The following PKP2 variants were observed in gnomAD, a reference collection of about 807,000 sequenced individuals.
The protein encoded by PKP2 is plakophilin 2.
Under a neutral mutation model 83.4 loss-of-function variants are expected in PKP2, and 73 were observed. The ratio of observed to expected loss-of-function variants is 0.88; its 90% confidence interval spans 0.72 to 1.06. PKP2 has a LOEUF of 1.06. Ranked by LOEUF, PKP2 falls within the 50% of genes least tolerant of loss-of-function variation. The probability of loss-of-function intolerance (pLI) is 0.00; values close to 1 mark genes in which losing one functional copy is unlikely to be tolerated. For missense variants in PKP2, 966 were observed against 1,065.4 expected (o/e 0.91, Z 1.30); for synonymous variants, 409 against 430.4 (o/e 0.95, Z 0.62).
At position 32,822,581 on chromosome 12, in the gene PKP2, C is replaced by A; in HGVS notation, c.1725G>T (p.Glu575Asp). Residue 575 changes from glutamate to aspartate, a missense_variant, in exon 8 of 13, where the codon GAG becomes GAT. Glu to Asp is a conservative substitution (Grantham distance 45, BLOSUM62 2). Transcript: ENST00000340811. ...CILHNLSYQL[E>D]AELPEKYSQN... is the part of the protein sequence containing the mutation. Reference sequence around the variant, plus strand: ...GGGAATATTTCTCTGGGAGCTCTGCCTCCAGCTGGTAGGAGAGGTTATGAA... The same window carrying A: ...GGGAATATTTCTCTGGGAGCTCTGCATCCAGCTGGTAGGAGAGGTTATGAA... 6.2e-7 allele frequency: 1 copy of A among 1,614,098 alleles called. No individual in the cohort carries two copies. The highest frequency in any genetic ancestry group is 8.5e-7 in the Non-Finnish European group (1 of 1,179,980).
At chr12:32,824,368 T>C in intron 6 of PKP2, 1 of 571,594 alleles carries the variant, frequency 1.7e-6, no homozygotes, top group East Asian at 3.1e-5. Context: ...AAACAACACG[T>C]AATTGTGTCA....
rs139215336 is a variant in PKP2 at position 32,878,949 on chromosome 12, G to C, written c.307C>G (p.Pro103Ala). The part of the protein sequence containing the change: ...VENDFVGGRS[P>A]VPKTYDMLKA... ...AGCATGTCATAGGTTTTAGGAACAG[G>C]GGAACGGCCTCCAACAAAATCATTT... Residue 103 changes from proline to alanine, a missense_variant, in exon 2 of 13, where the codon CCT becomes GCT. Coordinates refer to ENST00000340811, the MANE Select transcript of PKP2 (RefSeq NM_001005242.3). 6 of 1,597,354 alleles carry C rather than the reference G, an allele frequency of 3.8e-6. No individual in the cohort carries two copies. Among genetic ancestry groups the C allele is most frequent in the Non-Finnish European group, 4.3e-6 (5 of 1,166,566 alleles).
At chr12:32,803,861 G>A (rs1956203050) in intron 9 of PKP2, among the ~76,000 whole-genome samples, 1 of 152,138 alleles carries the variant, frequency 6.6e-6, no homozygotes, top group African/African-American at 2.4e-5. Flanking sequence ...GAAAGCAAAG[G>A]TGTCACTAAC....
At chr12:32,875,024 C>T (rs11612954) in intron 3 of PKP2, among the ~76,000 whole-genome samples, 28,657 of 152,074 alleles carry the variant, frequency 0.19, 2,704 homozygotes, top group Middle Eastern at 0.24. Context: ...GCTAGGATTA[C>T]AGATGTGAGC....
chr12:32,798,521 T>C (rs1413247945), intron 10 of PKP2, among the ~76,000 whole-genome samples: 1 of 151,546 alleles, frequency 6.6e-6, no homozygotes, highest in Non-Finnish European at 1.5e-5. Flanking sequence ...AAAATAGACA[T>C]GCCACTTTCA....
chr12:32,877,837 G>A lies in PKP2; in HGVS notation c.1034+9C>T. 6.3e-7 allele frequency: 1 copy of A among 1,595,884 alleles called. No individual in the cohort carries two copies. Among genetic ancestry groups the A allele is most frequent in the Non-Finnish European group, 8.6e-7 (1 of 1,163,650 alleles). On this transcript the variant is annotated intron_variant, in intron 3 of 12. Transcript: ENST00000340811. ...AATGACTGAACTGCAGAGTCAGGAG[G>A]GGACTTACCCCAGCTGGGAGTCAGT... is the stretch of plus-strand genomic sequence containing the variant.
chr12:32,876,159 T>C (rs1343588655), intron 3 of PKP2, among the ~76,000 whole-genome samples: 2 of 151,852 alleles, frequency 1.3e-5, no homozygotes, highest in Non-Finnish European at 2.9e-5. Flanking sequence ...CACCCACAGG[T>C]TGAGTAATAT....
chr12:32,792,361 T>C lies in PKP2; in HGVS notation c.*63A>G. 1 of 1,163,086 alleles carries C rather than the reference T, an allele frequency of 8.6e-7. No individual in the cohort carries two copies. The highest frequency in any genetic ancestry group is 1.3e-6 in the Non-Finnish European group (1 of 768,626). 72.0% of individuals were successfully genotyped at this position (1,163,086 alleles called of 1,614,324 possible). A position where few individuals can be genotyped will look rare whatever the true frequency, so the allele number is the denominator to read the frequency against. ...TGCTTTTGAGGTTTCTTGGGCTGGG[T>C]AGTAGAAAAATAGGTGTTTTCCTTT... On this transcript the variant is annotated 3_prime_UTR_variant, in exon 13 of 13. Transcript: ENST00000340811.
intron 1 of PKP2, 59 bp downstream of exon 1, chr12:32,896,450 G>C (rs1957124610): frequency 2.3e-6 from 3 of 1,288,062 alleles, no homozygotes; most frequent in Non-Finnish European, 2.1e-6. Context: ...GGCGGGATAG[G>C]AGGAGGTGAC....
In PKP2 at chr12:32,877,789, C is replaced by G. The variant is rs1055082378; in HGVS notation, c.1034+57G>C. 14 of 1,257,812 alleles carry G rather than the reference C, an allele frequency of 1.1e-5. No individual in the cohort carries two copies. In the African/African-American group the frequency reaches 2.1e-4, roughly 19 times the overall value. The allele number at this position is 1,257,812 out of a possible 1,614,324, so 77.9% of individuals were successfully genotyped here. A position where few individuals can be genotyped will look rare whatever the true frequency, so the allele number is the denominator to read the frequency against. On this transcript the variant is annotated intron_variant, in intron 3 of 12. Transcript: ENST00000340811. Reference sequence around the variant, plus strand: ...GAAGTGCCAGCTCATGCTGTCAGGGCTGTGGGAACAGAATGTGCTGGCAAT... The same window carrying G: ...GAAGTGCCAGCTCATGCTGTCAGGGGTGTGGGAACAGAATGTGCTGGCAAT...
chr12:32,864,362 T>G (rs1046999726), intron 4 of PKP2, among the ~76,000 whole-genome samples: 2 of 149,322 alleles, frequency 1.3e-5, no homozygotes, highest in Non-Finnish European at 3.0e-5. Flanking sequence ...ATATATATTA[T>G]ATATATATTA....
intron 11 of PKP2, among the ~76,000 whole-genome samples, chr12:32,793,842 G>T (rs1956096815): frequency 6.6e-6 from 1 of 151,926 alleles, no homozygotes; most frequent in South Asian, 2.1e-4. Flanking sequence ...TGATCCGCCT[G>T]CCTCGGCCTC....
At chr12:32,879,581 A>G (rs1250433933) in intron 1 of PKP2, among the ~76,000 whole-genome samples, 1 of 150,782 alleles carries the variant, frequency 6.6e-6, no homozygotes, top group Non-Finnish European at 1.5e-5. Flanking sequence ...GTAATCCCAG[A>G]ACTTTGAGAG....
intron 4 of PKP2, among the ~76,000 whole-genome samples, chr12:32,852,785 A>G (rs1369176454): frequency 6.6e-6 from 1 of 152,124 alleles, no homozygotes; most frequent in Non-Finnish European, 1.5e-5. Context: ...TAAATGCATG[A>G]TAAAGATTTC....
Position 32,870,608 on chromosome 12 carries a change from T to C in PKP2, c.1035-1546A>G, listed in dbSNP as rs73090770. On this transcript the variant is annotated intron_variant, in intron 3 of 12. Transcript: ENST00000340811. ...TCTAATATTAGAGGATATTACACCTTTTAAAGGAGATGGGAATATTTTACA... is the reference window on the plus strand; with the variant it reads ...TCTAATATTAGAGGATATTACACCTCTTAAAGGAGATGGGAATATTTTACA... Among the ~76,000 whole-genome samples, 1,492 of 152,236 alleles carry C rather than the reference T, an allele frequency of 9.8e-3. 7 individuals are homozygous for C. Among genetic ancestry groups the C allele is most frequent in the Middle Eastern group, 0.031 (9 of 294 alleles).
intron 5 of PKP2, chr12:32,843,347 G>C (rs1956617939): frequency 7.3e-7 from 1 of 1,361,970 alleles, no homozygotes; most frequent in Non-Finnish European, 9.8e-7. Flanking sequence ...TAGGTACTCA[G>C]GGCAGGCTCC....
chr12:32,884,782 G>GTTT (rs61601476), intron 1 of PKP2, among the ~76,000 whole-genome samples: 2 of 141,286 alleles, frequency 1.4e-5, no homozygotes, highest in Non-Finnish European at 3.1e-5. Context: ...TTGTAGAGCA[G>GTTT]TTTTTTTTTT....
chr12:32,804,637 CT>C (rs1336430248), intron 9 of PKP2, among the ~76,000 whole-genome samples: 2 of 152,140 alleles, frequency 1.3e-5, no homozygotes, highest in African/African-American at 4.8e-5. Flanking sequence ...GATCTCGTTC[CT>C]TTTTATGGCT....
rs1475221980 is a variant in PKP2 at position 32,838,523 on chromosome 12, C to T, written c.1556+2505G>A. On this transcript the variant is annotated intron_variant, in intron 6 of 12. Transcript: ENST00000340811. ...AACTCCTTAATGTGATCCTCAAGAT[C>T]GCCACTATCTGGCTTTAGCCTATGT... Among the ~76,000 whole-genome samples, 10 of 151,914 alleles carry T rather than the reference C, an allele frequency of 6.6e-5. 1 individual carries two copies. Among genetic ancestry groups the T allele is most frequent in the South Asian group, 4.2e-4 (2 of 4,802 alleles).
Sources: gnomAD v4.1 joint callset for allele counts (sites outside exome capture counted in the v4.1 genomes callset) on GRCh38, gnomAD v4.1.1 for gene constraint, MANE v1.5 for transcripts, NCBI Gene and HGNC (gene_info 2026-07-23, HGNC 2026-07-21) for gene names.